PTPRD: variants seen among roughly 807,000 people sequenced by gnomAD.
PTPRD encodes the protein receptor-type tyrosine-protein phosphatase delta.
PTPRD carries 34 observed loss-of-function variants against 214.5 expected under a neutral mutation model. The ratio of observed to expected loss-of-function variants is 0.16; its 90% CI spans 0.12 to 0.21. The LOEUF is 0.21. PTPRD is among the 10% of genes least tolerant of loss of function. PTPRD has a pLI of 1.00. For missense variants in PTPRD, 2,545 were observed against 2,398.7 expected, an observed-to-expected ratio of 1.06 and a Z score of -1.27; for synonymous variants, 1,128 against 845.7, an observed-to-expected ratio of 1.33 and a Z score of -5.79.
rs748621419 is a variant in PTPRD, at chr9:10,121,896, G to C, written c.-544-88106C>G. Among the ~76,000 whole-genome samples, 50 of 152,206 alleles carry C rather than the reference G, an allele frequency of 3.3e-4. 1 individual carries two copies. The highest frequency in any genetic ancestry group is 6.3e-4 in the Non-Finnish European group (43 of 68,004). ...CCCAAAGAATCCCCACTCTGACTTTGACTACAATTTCACCTCCTTCCTGCA... is the reference window on the plus strand; with the variant it reads ...CCCAAAGAATCCCCACTCTGACTTTCACTACAATTTCACCTCCTTCCTGCA... On this transcript the variant is annotated intron_variant, in intron 3 of 45. Transcript: ENST00000381196.
rs147991231 is a variant in PTPRD, at chr9:10,367,880, G to C, written c.-599-26863C>G. The stretch of plus-strand genomic sequence containing the variant: ...TTTTAGCTCCCATAGCTATAAAAAA[G>C]GGTTAAGAAAATCTGCTTTACATGT... On this transcript the variant is annotated intron_variant, in intron 2 of 45. Transcript: ENST00000381196. Among the ~76,000 whole-genome samples the C allele has an allele frequency of 4.0e-3, 608 of 152,188 alleles. 4 individuals are homozygous for C. The highest frequency in any genetic ancestry group is 5.2e-3 in the Non-Finnish European group (351 of 67,976).
intron 5 of PTPRD, among the ~76,000 whole-genome samples, chr9:9,834,760 C>T (rs573162140): frequency 2.0e-5 from 3 of 152,064 alleles, no homozygotes; most frequent in Admixed American, 6.6e-5. Flanking sequence ...CTATTGCATC[C>T]TCATTTAATT....
At chr9:9,046,048 A>T (rs2099671332) in intron 10 of PTPRD, among the ~76,000 whole-genome samples, 1 of 152,174 alleles carries the variant, frequency 6.6e-6, no homozygotes, top group African/African-American at 2.4e-5. Context: ...AATATGGACA[A>T]AGATATAATT....
intron 11 of PTPRD, among the ~76,000 whole-genome samples, chr9:8,993,564 T>C (rs1473819588): frequency 3.9e-5 from 6 of 152,112 alleles, no homozygotes; most frequent in Non-Finnish European, 8.8e-5. Flanking sequence ...TAGAATGCAA[T>C]GATATATTTG....
chr9:10,004,489 C>T (rs889819060), intron 4 of PTPRD, among the ~76,000 whole-genome samples: 1 of 151,734 alleles, frequency 6.6e-6, no homozygotes, highest in Non-Finnish European at 1.5e-5. Flanking sequence ...TAAAAATATG[C>T]AATCATTCAT....
intron 8 of PTPRD, among the ~76,000 whole-genome samples, chr9:9,402,009 G>T (rs1220851313): frequency 6.6e-6 from 1 of 152,060 alleles, no homozygotes; most frequent in Non-Finnish European, 1.5e-5. Flanking sequence ...AACAGTGTGA[G>T]AATGGACTAA....
chr9:9,391,035 C>G (rs1173520242), intron 9 of PTPRD, among the ~76,000 whole-genome samples: 1 of 152,102 alleles, frequency 6.6e-6, no homozygotes. Context: ...TTGAGCTTTG[C>G]TTTAAGCATA....
chr9:9,762,599 C>G (rs1468952666), intron 6 of PTPRD, among the ~76,000 whole-genome samples: 1 of 152,200 alleles, frequency 6.6e-6, no homozygotes, highest in East Asian at 1.9e-4. Flanking sequence ...CCACAAAACA[C>G]TAGAACACTA....
At chr9:9,075,142 A>C (rs72694958) in intron 10 of PTPRD, among the ~76,000 whole-genome samples, 1 of 152,178 alleles carries the variant, frequency 6.6e-6, no homozygotes, top group Non-Finnish European at 1.5e-5. Flanking sequence ...CTGTGTTTAA[A>C]AATTTTTAAT....
intron 3 of PTPRD, among the ~76,000 whole-genome samples, chr9:10,168,750 G>A (rs568343681): frequency 1.3e-3 from 194 of 152,170 alleles, no homozygotes; most frequent in African/African-American, 4.6e-3. Context: ...TTTTCTTTGA[G>A]TATCAGACAA....
intron 8 of PTPRD, among the ~76,000 whole-genome samples, chr9:9,421,661 T>C (rs1471862322): frequency 6.6e-6 from 1 of 152,116 alleles, no homozygotes; most frequent in Non-Finnish European, 1.5e-5. Flanking sequence ...CATTTTATAA[T>C]GAACACTGAA....
chr9:9,370,074 G>A (rs946002238), intron 9 of PTPRD, among the ~76,000 whole-genome samples: 3 of 152,108 alleles, frequency 2.0e-5, no homozygotes, highest in African/African-American at 7.2e-5. Context: ...TTTTGGCTTA[G>A]GATTGACTTG....
intron 39 of PTPRD, among the ~76,000 whole-genome samples, chr9:8,373,612 G>GGTGTGTGTGTGT (rs36212158): frequency 2.8e-5 from 4 of 141,456 alleles, no homozygotes; most frequent in African/African-American, 1.1e-4. Context: ...CATGGATGCG[G>GGTGTGTGTGTGT]GTGTGTGTGT....
At chr9:8,770,904 G>A (rs569129922) in intron 11 of PTPRD, among the ~76,000 whole-genome samples, 1 of 152,236 alleles carries the variant, frequency 6.6e-6, no homozygotes, top group South Asian at 2.1e-4. Flanking sequence ...TTTATGCCAG[G>A]CGTGGTGGCT....
chr9:8,350,058 C>T (rs3847288), intron 39 of PTPRD, among the ~76,000 whole-genome samples: 21,383 of 151,666 alleles, frequency 0.14, 2,202 homozygotes, highest in East Asian at 0.35. Flanking sequence ...TATTATCATT[C>T]ATCCAGTTAC....
At chr9:8,722,798 G>A (rs2098515490) in intron 12 of PTPRD, among the ~76,000 whole-genome samples, 2 of 152,128 alleles carry the variant, frequency 1.3e-5, no homozygotes, top group African/African-American at 4.8e-5. Context: ...ACTATCATCT[G>A]CTTTAAAAGA....
chr9:10,142,524 A>T (rs28830226), intron 3 of PTPRD, among the ~76,000 whole-genome samples: 6,589 of 152,248 alleles, frequency 0.043, 204 homozygotes, highest in Non-Finnish European at 0.066. Context: ...ACATGAAAAA[A>T]TGCTCACCAT....
At chr9:10,388,480 CAAAA>C (rs5896391) in intron 2 of PTPRD, among the ~76,000 whole-genome samples, 26 of 134,746 alleles carry the variant, frequency 1.9e-4, no homozygotes, top group East Asian at 4.3e-4. Flanking sequence ...GGATAATTAG[CAAAA>C]AAAAAAAAAA....
chr9:10,312,848 T>A (rs2096305368), intron 3 of PTPRD, among the ~76,000 whole-genome samples: 1 of 151,938 alleles, frequency 6.6e-6, no homozygotes, highest in African/African-American at 2.4e-5. Flanking sequence ...TGTGAAAGTT[T>A]GAAATGTAAT....
Sources: gnomAD v4.1 joint callset for allele counts (sites outside exome capture counted in the v4.1 genomes callset) on GRCh38, gnomAD v4.1.1 for gene constraint, MANE v1.5 for transcripts, NCBI Gene and HGNC (gene_info 2026-07-23, HGNC 2026-07-21) for gene names.